RAB7A: variants seen among roughly 807,000 people sequenced by gnomAD.
RAB7A encodes ras-related protein Rab-7a.
Under a neutral mutation model 24.5 loss-of-function variants are expected in RAB7A, and 2 were observed. The observed-to-expected ratio is 0.08, with a 90% CI of 0.03 to 0.26. The LOEUF (loss-of-function observed/expected upper bound fraction) is 0.26. Among genes scored for constraint, RAB7A ranks in the 10% least tolerant of loss-of-function variants. The pLI is 1.00. For synonymous variants in RAB7A, 100 were observed against 95.9 expected (o/e 1.04, Z -0.25); for missense variants, 118 against 255.7 (o/e 0.46, Z 3.67).
intron 1 of RAB7A, among the ~76,000 whole-genome samples, chr3:128,783,729 A>G (rs1433110378): frequency 3.9e-5 from 6 of 152,156 alleles, no homozygotes; most frequent in Admixed American, 1.3e-4. Flanking sequence ...TGAACCATCA[A>G]TCTTGCTCTT....
intron 1 of RAB7A, among the ~76,000 whole-genome samples, chr3:128,784,313 C>T (rs1933290303): frequency 6.6e-6 from 1 of 152,164 alleles, no homozygotes; most frequent in Non-Finnish European, 1.5e-5. Flanking sequence ...AGGTGACTTC[C>T]TTGGCGTTTT....
chr3:128,777,128 T>C (rs751507097), intron 1 of RAB7A, among the ~76,000 whole-genome samples: 4 of 152,228 alleles, frequency 2.6e-5, no homozygotes, highest in Non-Finnish European at 5.9e-5. Context: ...CCTTATCAGA[T>C]ATATGTTTTG....
At chr3:128,763,525 A>G (rs977074562) in intron 1 of RAB7A, among the ~76,000 whole-genome samples, 4 of 152,058 alleles carry the variant, frequency 2.6e-5, no homozygotes, top group African/African-American at 7.2e-5. Flanking sequence ...CCTAGCTTAT[A>G]TATTTTTGAC....
intron 1 of RAB7A, among the ~76,000 whole-genome samples, chr3:128,791,297 G>A (rs1414742751): frequency 1.3e-5 from 2 of 152,012 alleles, no homozygotes; most frequent in African/African-American, 2.4e-5. Context: ...CCACCACCAC[G>A]ACCAGCTAAT....
chr3:128,764,385 G>C (rs895620840), intron 1 of RAB7A: 27 of 675,016 alleles, frequency 4.0e-5, no homozygotes, highest in Non-Finnish European at 7.0e-5. Context: ...TATAGAAAAG[G>C]TAAAGGAAAT....
intron 1 of RAB7A, among the ~76,000 whole-genome samples, chr3:128,789,966 A>G (rs1559793375): frequency 6.6e-6 from 1 of 151,758 alleles, no homozygotes; most frequent in Non-Finnish European, 1.5e-5. Flanking sequence ...TAATTTTTGT[A>G]TTTTTAGTAT....
chr3:128,805,175 A>T (rs779911810), intron 3 of RAB7A, among the ~76,000 whole-genome samples: 3 of 152,186 alleles, frequency 2.0e-5, no homozygotes, highest in Non-Finnish European at 4.4e-5. Flanking sequence ...ACTGACAGAG[A>T]TGCATACATA....
intron 1 of RAB7A, among the ~76,000 whole-genome samples, chr3:128,783,440 A>C (rs1933264797): frequency 6.6e-6 from 1 of 152,002 alleles, no homozygotes; most frequent in Non-Finnish European, 1.5e-5. Context: ...CTGGGCAGAA[A>C]GGGCATTACA....
rs542407020 is a variant in RAB7A, at chr3:128,814,708, T to G, written c.*1286T>G. ...AGCTTGCTTAACGGAGCACTTCTCC[T>G]TTTTCCAAAGGTCTACATTCTAGGG... On this transcript the variant is annotated 3_prime_UTR_variant, in exon 6 of 6. Coordinates refer to ENST00000265062, the MANE Select transcript of RAB7A (RefSeq NM_004637.6). 2.0e-5 allele frequency: 3 copies of G among 152,782 alleles called. No individual in the cohort carries two copies. Among genetic ancestry groups the G allele is most frequent in the East Asian group, 1.9e-4 (1 of 5,188 alleles). The allele number at this position is 152,782 out of a possible 1,614,324, so 9.5% of individuals were successfully genotyped here.
rs1933607860 is a variant in RAB7A at position 128,797,816 on chromosome 3, C to G, written c.54-127C>G. On this transcript the variant is annotated intron_variant, in intron 2 of 5. Transcript: ENST00000265062. ...AATGCTCGGAAGGCTACTGGCATTG[C>G]CCTTTGCTGTGAGGGCAGTTTCTTG... The G allele has an allele frequency of 4.8e-6, 5 of 1,052,090 alleles. No homozygotes were observed. In the East Asian group the frequency reaches 1.2e-4, roughly 26 times the overall value. The allele number at this position is 1,052,090 out of a possible 1,614,324, so 65.2% of individuals were successfully genotyped here.
At chr3:128,805,715 C>T (rs1036813725) in intron 3 of RAB7A, among the ~76,000 whole-genome samples, 2 of 152,110 alleles carry the variant, frequency 1.3e-5, no homozygotes, top group South Asian at 2.1e-4. Context: ...GGCAATGGCA[C>T]GATCTTGGCT....
chr3:128,790,134 G>A (rs1933425715), intron 1 of RAB7A, among the ~76,000 whole-genome samples: 1 of 152,104 alleles, frequency 6.6e-6, no homozygotes, highest in Admixed American at 6.6e-5. Flanking sequence ...TCTTGATCTG[G>A]GAGAACATTA....
intron 1 of RAB7A, among the ~76,000 whole-genome samples, chr3:128,754,892 T>G (rs1161411347): frequency 6.6e-6 from 1 of 152,116 alleles, no homozygotes; most frequent in Admixed American, 6.5e-5. Context: ...GAAACATGAC[T>G]GATAATGGAA....
intron 1 of RAB7A, among the ~76,000 whole-genome samples, chr3:128,786,853 C>G (rs1687136320): frequency 6.6e-6 from 1 of 152,124 alleles, no homozygotes; most frequent in Admixed American, 6.5e-5. Context: ...TTCATCTCAT[C>G]ATAATTGAAA....
At chr3:128,808,671 G>A (rs1268353151) in intron 5 of RAB7A, among the ~76,000 whole-genome samples, 1 of 152,238 alleles carries the variant, frequency 6.6e-6, no homozygotes, top group Non-Finnish European at 1.5e-5. Context: ...GTTAGGGGCA[G>A]TGGTGATTAA....
chr3:128,737,508 C>T (rs1034580566), intron 1 of RAB7A, among the ~76,000 whole-genome samples: 2 of 151,542 alleles, frequency 1.3e-5, no homozygotes, highest in Non-Finnish European at 2.9e-5. Flanking sequence ...CATGCCCCAG[C>T]TAATTTTTTA....
Position 128,813,666 on chromosome 3 carries a change from G to C in RAB7A, c.*244G>C. On this transcript the variant is annotated 3_prime_UTR_variant, in exon 6 of 6. Transcript: ENST00000265062. ...AGCCCTTGCCCGTGATGGCTCCTTGGGGTCTGCCTGCCCACCCACATGAGC... is the reference window on the plus strand; with the variant it reads ...AGCCCTTGCCCGTGATGGCTCCTTGCGGTCTGCCTGCCCACCCACATGAGC... The C allele has an allele frequency of 5.5e-6, 3 of 542,240 alleles. No homozygotes were observed. Among genetic ancestry groups the C allele is most frequent in the Non-Finnish European group, 6.8e-6 (2 of 293,176 alleles). 33.6% of individuals were successfully genotyped at this position (542,240 alleles called of 1,614,324 possible). A position where few individuals can be genotyped will look rare whatever the true frequency, so the allele number is the denominator to read the frequency against.
intron 1 of RAB7A, among the ~76,000 whole-genome samples, chr3:128,745,986 C>T (rs13064442): frequency 0.19 from 28,320 of 152,182 alleles, 2,869 homozygotes; most frequent in East Asian, 0.47. Context: ...GCTGACCTGC[C>T]ATGCTGTATT....
chr3:128,739,364 G>A (rs2070526386), intron 1 of RAB7A, among the ~76,000 whole-genome samples: 1 of 151,970 alleles, frequency 6.6e-6, no homozygotes, highest in African/African-American at 2.4e-5. Flanking sequence ...AATACAAAAA[G>A]TAGCTGGGTG....
Sources: gnomAD v4.1 joint callset for allele counts (sites outside exome capture counted in the v4.1 genomes callset) on GRCh38, gnomAD v4.1.1 for gene constraint, MANE v1.5 for transcripts, NCBI Gene and HGNC (gene_info 2026-07-23, HGNC 2026-07-21) for gene names.